SLC29A4: variants seen among roughly 807,000 people sequenced by gnomAD.
SLC29A4 encodes the protein equilibrative nucleoside transporter 4.
SLC29A4 carries 36 observed loss-of-function variants against 43.9 expected under a neutral mutation model. The ratio of observed to expected loss-of-function variants is 0.82; its 90% confidence interval spans 0.63 to 1.08. The LOEUF (loss-of-function observed/expected upper bound fraction) is 1.08. Among genes scored for constraint, SLC29A4 ranks in the 50% least tolerant of loss-of-function variants. SLC29A4 has a pLI of 0.00. For synonymous variants in SLC29A4, 491 were observed against 338.0 expected (o/e 1.45, Z -4.97); for missense variants, 869 against 755.3 (o/e 1.15, Z -1.77).
At chr7:5,297,505 C>T (rs983583251) in intron 7 of SLC29A4, among the ~76,000 whole-genome samples, 4 of 152,250 alleles carry the variant, frequency 2.6e-5, no homozygotes, top group Non-Finnish European at 4.4e-5. Context: ...TGACACTCCA[C>T]ATGATGTACA....
intron 1 of SLC29A4, among the ~76,000 whole-genome samples, chr7:5,283,351 G>A (rs1324679304): frequency 1.4e-5 from 2 of 141,100 alleles, no homozygotes; most frequent in African/African-American, 5.1e-5. Flanking sequence ...ACCGCGCGGG[G>A]GTCCTCCCGC....
intron 5 of SLC29A4, 64 bp downstream of exon 5, chr7:5,291,885 C>T (rs545046845): frequency 1.9e-6 from 3 of 1,552,718 alleles, no homozygotes; most frequent in Non-Finnish European, 2.6e-6. Context: ...CCACCCCAGC[C>T]CTGGTCTCCT....
rs752947277 is a variant in SLC29A4, at chr7:5,299,430, G to GGGCT, written c.1209+5_1209+8dup. ...ACCTGTCAGACTTCGTGGGCAAGGTGGGCTGCCTGCCCTGCCCGGTGTCGG... is the reference window on the plus strand; with the variant it reads ...ACCTGTCAGACTTCGTGGGCAAGGTGGGCTGGCTGCCTGCCCTGCCCGGTGTCGG... On this transcript the variant is annotated splice_donor_region_variant and intron_variant, in intron 9 of 10. Coordinates refer to ENST00000396872, the MANE Select transcript of SLC29A4 (RefSeq NM_153247.4). 2.5e-6 allele frequency: 4 copies of GGGCT among 1,609,456 alleles called. No homozygotes were observed. In the African/African-American group the frequency reaches 4.0e-5, roughly 16 times the overall value.
intron 5 of SLC29A4, 102 bp downstream of exon 5, chr7:5,291,923 C>T (rs1297722827): frequency 1.5e-5 from 23 of 1,492,276 alleles, no homozygotes; most frequent in East Asian, 2.3e-5. Context: ...TGATGGGAAC[C>T]GGGCTGGCTG....
At chr7:5,293,162 C>CTTTTTTTTTTTT (rs58758343) in intron 5 of SLC29A4, among the ~76,000 whole-genome samples, 1 of 117,282 alleles carries the variant, frequency 8.5e-6, no homozygotes, top group African/African-American at 3.7e-5. Context: ...TTTTTTTTCT[C>CTTTTTTTTTTTT]TTTTTTTTTT....
At chr7:5,290,050 TA>T (rs1785205323) in intron 2 of SLC29A4, among the ~76,000 whole-genome samples, 1 of 110,548 alleles carries the variant, frequency 9.0e-6, no homozygotes, top group African/African-American at 3.3e-5. Context: ...CATGCCCAGC[TA>T]ATTTTTTTTT....
Position 5,306,012 on chromosome 7 carries a change from A to C in SLC29A4, c.*3073A>C, listed in dbSNP as rs1786467451. The C allele has an allele frequency of 6.7e-6, 1 of 150,206 alleles. No individual in the cohort carries two copies. The highest frequency in any genetic ancestry group is 1.5e-5 in the Non-Finnish European group (1 of 67,776). The allele number at this position is 150,206 out of a possible 1,614,324, so 9.3% of individuals were successfully genotyped here. On this transcript the variant is annotated 3_prime_UTR_variant, in exon 11 of 11. Transcript: ENST00000396872. ...CAGGCACGCTCCACCACACCCGGCT[A>C]ATTTTTTTGTATTTTTAGTAGAGAT...
At chr7:5,299,715 GC>G (rs988347156) in intron 9 of SLC29A4, among the ~76,000 whole-genome samples, 11 of 152,356 alleles carry the variant, frequency 7.2e-5, no homozygotes, top group African/African-American at 2.6e-4. Flanking sequence ...ACAGGAGGAT[GC>G]CCCAGAGGGG....
intron 10 of SLC29A4, 51 bp downstream of exon 10, chr7:5,300,713 C>A (rs907631992): frequency 7.6e-6 from 12 of 1,582,262 alleles, no homozygotes; most frequent in Non-Finnish European, 1.0e-5. Context: ...CAGCGCAATG[C>A]CCCCCTCGCG....
At chr7:5,284,810 G>A (rs1003977994) in intron 1 of SLC29A4, among the ~76,000 whole-genome samples, 1 of 152,200 alleles carries the variant, frequency 6.6e-6, no homozygotes, top group Non-Finnish European at 1.5e-5. Context: ...AGCCAGAGGG[G>A]ACAGCAGCCG....
chr7:5,288,348 C>T (rs1205727128), intron 2 of SLC29A4, among the ~76,000 whole-genome samples: 1 of 142,646 alleles, frequency 7.0e-6, no homozygotes, highest in Non-Finnish European at 1.5e-5. Context: ...CTCTGTCACC[C>T]GGCTGGAGTG....
intron 5 of SLC29A4, among the ~76,000 whole-genome samples, chr7:5,294,435 A>T (rs1478138991): frequency 6.6e-6 from 1 of 151,826 alleles, no homozygotes; most frequent in Non-Finnish European, 1.5e-5. Context: ...GTTCCATAGA[A>T]CAAGCCTGAC....
intron 5 of SLC29A4, among the ~76,000 whole-genome samples, chr7:5,293,581 T>C (rs1376305601): frequency 2.0e-5 from 3 of 152,188 alleles, no homozygotes; most frequent in Non-Finnish European, 4.4e-5. Flanking sequence ...ATGTCAAGCC[T>C]TCGTGAACTA....
At chr7:5,294,726 A>G in intron 5 of SLC29A4, 134 bp from the exon 6 acceptor site, 1 of 876,106 alleles carries the variant, frequency 1.1e-6, no homozygotes, top group Non-Finnish European at 1.9e-6. Flanking sequence ...GCTGCGTGTC[A>G]AATCTCTCTG....
At position 5,300,568 on chromosome 7, in the gene SLC29A4, C is replaced by G. The variant is rs1489253944; in HGVS notation, c.1356C>G (p.Phe452Leu). The stretch of plus-strand genomic sequence containing the variant: ...GTCACCCCGCCTGGCCCTGCATCTT[C>G]TCACTGCTCATGGGCATCAGCAACG... ...ALRHPAWPCI[F>L]SLLMGISNGY... Residue 452 changes from phenylalanine to leucine, a missense_variant, in exon 10 of 11, where the codon TTC becomes TTG. Phe to Leu is a conservative substitution (Grantham distance 22). Coordinates refer to ENST00000396872, the MANE Select transcript of SLC29A4 (RefSeq NM_153247.4). 4 of 1,612,424 alleles carry G rather than the reference C, an allele frequency of 2.5e-6. No homozygotes were observed. The highest frequency in any genetic ancestry group is 2.5e-6 in the Non-Finnish European group (3 of 1,179,668).
intron 7 of SLC29A4, 25 bp from the exon 8 acceptor site, chr7:5,298,963 C>T (rs775749959): frequency 1.2e-6 from 2 of 1,601,804 alleles, no homozygotes; most frequent in African/African-American, 1.3e-5. Flanking sequence ...CACTCCAACC[C>T]CATCCCACTC....
chr7:5,299,183 G>T, intron 8 of SLC29A4, 57 bp downstream of exon 8: 1 of 1,598,226 alleles, frequency 6.3e-7, no homozygotes, highest in Non-Finnish European at 8.5e-7. Context: ...GGGGGTGGGG[G>T]AGGCAGGCAG....
intron 1 of SLC29A4, 99 bp from the exon 2 acceptor site, chr7:5,287,710 C>T (rs1047715926): frequency 8.0e-6 from 10 of 1,246,598 alleles, no homozygotes; most frequent in Non-Finnish European, 1.1e-5. Context: ...ACCAAAGTGA[C>T]ATGTGTCACT....
At position 5,299,337 on chromosome 7, in the gene SLC29A4, C is replaced by T. The variant is rs139478790; in HGVS notation, c.1119C>T (p.Gly373=). Residue 373 remains glycine (G), a synonymous_variant, in exon 9 of 11, where the codon GGC becomes GGT. Transcript: ENST00000396872. ...TYFITLCLFP[G]LESEIRHCIL... The stretch of plus-strand genomic sequence containing the variant: ...TCATCACGCTGTGCCTGTTCCCCGG[C>T]CTCGAGTCTGAGATCCGCCACTGCA... The T allele has an allele frequency of 3.7e-6, 6 of 1,611,966 alleles. No individual in the cohort carries two copies. The highest frequency in any genetic ancestry group is 1.3e-5 in the African/African-American group (1 of 74,862).
Sources: gnomAD v4.1 joint callset for allele counts (sites outside exome capture counted in the v4.1 genomes callset) on GRCh38, gnomAD v4.1.1 for gene constraint, MANE v1.5 for transcripts, NCBI Gene and HGNC (gene_info 2026-07-23, HGNC 2026-07-21) for gene names.